The following ALPK3 variants were observed in gnomAD, a reference collection of about 807,000 sequenced individuals.
The protein encoded by ALPK3 is alpha kinase 3.
ALPK3 carries 102 observed loss-of-function variants against 140.0 expected under a neutral mutation model. The observed-to-expected ratio is 0.73, with a 90% CI of 0.62 to 0.86. The LOEUF (loss-of-function observed/expected upper bound fraction) is 0.86. ALPK3 is among the 40% of genes least tolerant of loss of function. ALPK3 has a pLI of 0.00. For synonymous variants in ALPK3, 938 were observed against 898.5 expected (o/e 1.04, Z -0.79); for missense variants, 2,254 against 2,208.2 (o/e 1.02, Z -0.42).
Position 84,840,230 on chromosome 15 carries a change from A to G in ALPK3, c.951A>G (p.Lys317=). The change falls in exon 5 of 14, where the codon AAA becomes AAG. Residue 317 remains lysine, a synonymous_variant. Transcript: ENST00000258888. ...ALKEESGAKK[K]KKDEESKQGL... ...AAGAGGAGAGTGGGGCCAAGAAGAA[A>G]AAGAAAGATGAGGAATCCAAGCAAG... is the stretch of plus-strand genomic sequence containing the variant. 1 of 1,613,842 alleles carries G rather than the reference A, an allele frequency of 6.2e-7. No individual in the cohort carries two copies. The highest frequency in any genetic ancestry group is 8.5e-7 in the Non-Finnish European group (1 of 1,180,008).
intron 4 of ALPK3, 128 bp downstream of exon 4, chr15:84,839,225 T>C: frequency 1.2e-6 from 1 of 813,710 alleles, no homozygotes; most frequent in Non-Finnish European, 1.9e-6. Context: ...AGGGCAGGAT[T>C]CTGCTGTGTG....
In ALPK3 at chr15:84,857,397, C is replaced by T. The variant is rs147903664; in HGVS notation, c.2659C>T (p.Pro887Ser). ...ASPKAGPCST[P>S]TSQHGSTATF... ...CCCAAAGGCGGGGCCGTGTAGCACC[C>T]CGACTTCTCAGCACGGGAGCACAGC... is the stretch of plus-strand genomic sequence containing the variant. The change falls in exon 6 of 14, where the codon CCG (proline) becomes TCG (serine). Residue 887 changes from proline (P) to serine (S), a missense_variant. Transcript: ENST00000258888. 36 of 1,614,112 alleles carry T rather than the reference C, an allele frequency of 2.2e-5. No homozygotes were observed. The highest frequency in any genetic ancestry group is 3.1e-5 in the Non-Finnish European group (36 of 1,180,020).
In ALPK3 at chr15:84,857,069, G is replaced by A. The variant is rs1963871731; in HGVS notation, c.2331G>A (p.Glu777=). Residue 777 remains glutamate, a synonymous_variant, in exon 6 of 14, where the codon GAG becomes GAA. Coordinates refer to ENST00000258888, the MANE Select transcript of ALPK3 (RefSeq NM_020778.5). ...CTGGTTGCCTGCCCAGATCTGAGGA[G>A]GCAGTAGTAACAGCCTCCAGGAACC... ...KKPGCLPRSE[E]AVVTASRNHE... The A allele has an allele frequency of 6.8e-6, 11 of 1,614,178 alleles. No individual in the cohort carries two copies. Among genetic ancestry groups the A allele is most frequent in the Non-Finnish European group, 9.3e-6 (11 of 1,180,034 alleles).
intron 12 of ALPK3, among the ~76,000 whole-genome samples, chr15:84,865,101 T>A (rs574826685): frequency 3.3e-5 from 5 of 152,252 alleles, no homozygotes; most frequent in African/African-American, 1.2e-4. Context: ...TCCTCCTCCA[T>A]CTTTGTTAGC....
chr15:84,860,103 G>C, intron 9 of ALPK3, 31 bp downstream of exon 9: 1 of 1,613,266 alleles, frequency 6.2e-7, no homozygotes, highest in Non-Finnish European at 8.5e-7. Context: ...AGGCGGGGTG[G>C]TCCTACCCCT....
At chr15:84,859,208 G>T in intron 6 of ALPK3, 35 bp from the exon 7 acceptor site, 2 of 1,612,954 alleles carry the variant, frequency 1.2e-6, no homozygotes, top group Non-Finnish European at 1.7e-6. Context: ...CAGAGGAGAG[G>T]TGGTGTTCCC....
At chr15:84,860,700 C>G (rs183138174) in intron 9 of ALPK3, among the ~76,000 whole-genome samples, 1 of 152,338 alleles carries the variant, frequency 6.6e-6, no homozygotes, top group Admixed American at 6.5e-5. Flanking sequence ...CATTCTCTCA[C>G]TCTTTCAATC....
intron 3 of ALPK3, among the ~76,000 whole-genome samples, chr15:84,832,594 T>C (rs1963555445): frequency 6.6e-6 from 1 of 152,178 alleles, no homozygotes; most frequent in Admixed American, 6.5e-5. Context: ...CTCCACCACA[T>C]AGTTTTTTTG....
chr15:84,859,263 ATTCGGGTGGAGCAGT>A lies in ALPK3; in HGVS notation c.3842_3856del (p.Arg1281_Phe1285del). The stretch of plus-strand genomic sequence containing the variant: ...CTCAGCCCCACAGGTGATCCGGAAG[ATTCGGGTGGAGCAGT>A]TTCCTGATGCCTCCGGTAGCCTGAA... On this transcript the variant is annotated inframe_deletion, in exon 7 of 14. Coordinates refer to ENST00000258888, the MANE Select transcript of ALPK3 (RefSeq NM_020778.5). 6.2e-7 allele frequency: 1 copy of A among 1,614,076 alleles called. No individual in the cohort carries two copies. Among genetic ancestry groups the A allele is most frequent in the Non-Finnish European group, 8.5e-7 (1 of 1,179,984 alleles).
At chr15:84,844,035 C>T (rs538549418) in intron 5 of ALPK3, among the ~76,000 whole-genome samples, 2 of 152,258 alleles carry the variant, frequency 1.3e-5, no homozygotes, top group South Asian at 2.1e-4. Context: ...TCAAGACCAG[C>T]GTGGCCAAGA....
chr15:84,820,438 T>C (rs1963408993), intron 1 of ALPK3, among the ~76,000 whole-genome samples: 1 of 152,172 alleles, frequency 6.6e-6, no homozygotes, highest in Admixed American at 6.5e-5. Context: ...TGGTCAGTTC[T>C]AGTTTTCCGT....
At chr15:84,841,367 A>T (rs1963665241) in intron 5 of ALPK3, among the ~76,000 whole-genome samples, 1 of 152,228 alleles carries the variant, frequency 6.6e-6, no homozygotes, top group Non-Finnish European at 1.5e-5. Context: ...ACAAAGCTGA[A>T]TGTCCAGGAA....
At chr15:84,821,264 C>T (rs1358711448) in intron 1 of ALPK3, among the ~76,000 whole-genome samples, 4 of 152,126 alleles carry the variant, frequency 2.6e-5, no homozygotes, top group African/African-American at 7.2e-5. Context: ...AATGTAAGGG[C>T]GAGGCCTAGA....
intron 3 of ALPK3, among the ~76,000 whole-genome samples, chr15:84,835,340 C>T (rs1211300476): frequency 3.3e-5 from 5 of 152,170 alleles, no homozygotes; most frequent in African/African-American, 4.8e-5. Context: ...GCTGCAGCCT[C>T]GCCTCCCCTG....
chr15:84,828,091 AG>A (rs1963509093), intron 3 of ALPK3, among the ~76,000 whole-genome samples: 1 of 152,178 alleles, frequency 6.6e-6, no homozygotes, highest in East Asian at 1.9e-4. Context: ...GATGTTACTG[AG>A]CACGTTATAT....
chr15:84,857,690 G>A lies in ALPK3; in HGVS notation c.2952G>A (p.Val984=). Residue 984 remains valine (V), a synonymous_variant, in exon 6 of 14, where the codon GTG becomes GTA. Transcript: ENST00000258888. ...ETSGAGGESQ[V]GAATGGLVPS... ...GTGGAGCAGGGGGAGAGTCCCAGGT[G>A]GGGGCAGCCACCGGAGGTCTGGTGC... 1 of 1,610,504 alleles carries A rather than the reference G, an allele frequency of 6.2e-7. No homozygotes were observed. Among genetic ancestry groups the A allele is most frequent in the Non-Finnish European group, 8.5e-7 (1 of 1,177,538 alleles).
At chr15:84,844,673 A>G (rs972386935) in intron 5 of ALPK3, among the ~76,000 whole-genome samples, 1 of 152,190 alleles carries the variant, frequency 6.6e-6, no homozygotes, top group Admixed American at 6.5e-5. Flanking sequence ...CCTGGCCAAC[A>G]TGGTGAAACC....
intron 3 of ALPK3, among the ~76,000 whole-genome samples, chr15:84,836,001 GT>G (rs1278601429): frequency 6.6e-6 from 1 of 152,218 alleles, no homozygotes; most frequent in Non-Finnish European, 1.5e-5. Flanking sequence ...ACACTCCTAA[GT>G]GTATAATATG....
chr15:84,852,624 T>C, intron 5 of ALPK3: 1 of 247,610 alleles, frequency 4.0e-6, no homozygotes, highest in Non-Finnish European at 8.1e-6. Context: ...CTATAAAATT[T>C]ATCAATTGTT....
Sources: gnomAD v4.1 joint callset for allele counts (sites outside exome capture counted in the v4.1 genomes callset) on GRCh38, gnomAD v4.1.1 for gene constraint, MANE v1.5 for transcripts, NCBI Gene and HGNC (gene_info 2026-07-23, HGNC 2026-07-21) for gene names.